RASGRP3: variants seen among roughly 807,000 people sequenced by gnomAD.
The protein encoded by RASGRP3 is RAS guanyl releasing protein 3.
Under a neutral mutation model 82.7 loss-of-function variants are expected in RASGRP3, and 54 were observed. That is an observed-to-expected ratio of 0.65 (90% CI 0.52 to 0.82). The LOEUF (loss-of-function observed/expected upper bound fraction) is 0.82. Ranked by LOEUF, RASGRP3 falls within the 40% of genes least tolerant of loss-of-function variation. The pLI, the probability that RASGRP3 is intolerant of heterozygous loss-of-function variation, is 0.00. For missense variants in RASGRP3, 861 were observed against 828.9 expected, an observed-to-expected ratio of 1.04 and a Z score of -0.48; for synonymous variants, 309 against 300.5, an observed-to-expected ratio of 1.03 and a Z score of -0.29.
intron 2 of RASGRP3, among the ~76,000 whole-genome samples, chr2:33,466,413 T>C (rs1203920723): frequency 6.6e-6 from 1 of 152,024 alleles, no homozygotes; most frequent in Non-Finnish European, 1.5e-5. Flanking sequence ...GCATGGTGGC[T>C]CAGGCCTGTA....
At chr2:33,551,454 T>C (rs749566181) in intron 14 of RASGRP3, among the ~76,000 whole-genome samples, 1 of 152,060 alleles carries the variant, frequency 6.6e-6, no homozygotes, top group African/African-American at 2.4e-5. Context: ...AAACAAAAGG[T>C]CAGGCTGCTG....
Position 33,543,580 on chromosome 2 carries a change from T to C in RASGRP3, c.1347T>C (p.Ala449=). 1 of 1,612,184 alleles carries C rather than the reference T, an allele frequency of 6.2e-7. No homozygotes were observed. The highest frequency in any genetic ancestry group is 1.1e-5 in the South Asian group (1 of 90,802). ...CCCAAGAGGACTTTGAAAGTATAGC[T>C]GCCAATTTTCCCTTCTTGGATTCCT... ...YISQEDFESI[A]ANFPFLDSFC... Residue 449 remains alanine, a synonymous_variant, in exon 13 of 18, where the codon GCT becomes GCC. Coordinates refer to ENST00000403687, the MANE Select transcript of RASGRP3 (RefSeq NM_001139488.2).
chr2:33,455,655 A>C (rs575412201), intron 2 of RASGRP3, among the ~76,000 whole-genome samples: 1 of 152,382 alleles, frequency 6.6e-6, no homozygotes, highest in African/African-American at 2.4e-5. Flanking sequence ...AATAAGACTG[A>C]AGGATTAACT....
intron 1 of RASGRP3, among the ~76,000 whole-genome samples, chr2:33,489,528 C>A (rs1374622764): frequency 1.3e-5 from 2 of 152,138 alleles, no homozygotes; most frequent in Non-Finnish European, 2.9e-5. Context: ...ATATTCAAAG[C>A]AATGAGGGAC....
intron 8 of RASGRP3, among the ~76,000 whole-genome samples, 180 bp from the exon 9 acceptor site, chr2:33,524,252 A>C (rs1191146764): frequency 6.6e-6 from 1 of 152,220 alleles, no homozygotes; most frequent in East Asian, 1.9e-4. Flanking sequence ...CATTTAATGT[A>C]GCTATTTCTC....
chr2:33,458,355 G>C (rs914199136), intron 2 of RASGRP3, among the ~76,000 whole-genome samples: 5 of 151,844 alleles, frequency 3.3e-5, no homozygotes, highest in Non-Finnish European at 7.4e-5. Context: ...TTTTTTTTCT[G>C]TGCAGCAGGG....
At chr2:33,536,156 G>T (rs535816827) in intron 11 of RASGRP3, among the ~76,000 whole-genome samples, 5 of 151,988 alleles carry the variant, frequency 3.3e-5, no homozygotes, top group Admixed American at 6.6e-5. Context: ...ACAAAAATTA[G>T]CCGGGCATGC....
intron 6 of RASGRP3, 50 bp from the exon 7 acceptor site, chr2:33,521,905 G>T: frequency 6.4e-7 from 1 of 1,562,458 alleles, no homozygotes; most frequent in East Asian, 2.3e-5. Context: ...AACTTCCATT[G>T]AGTGAAATGG....
At chr2:33,460,107 A>G (rs1032209595) in intron 2 of RASGRP3, among the ~76,000 whole-genome samples, 3 of 152,262 alleles carry the variant, frequency 2.0e-5, no homozygotes, top group Non-Finnish European at 4.4e-5. Context: ...GTTTAGTGCA[A>G]CACTGTTCAT....
rs138286312 is a variant in RASGRP3, at chr2:33,530,338, C to G, written c.1083+2926C>G. Among the ~76,000 whole-genome samples the G allele has an allele frequency of 2.3e-3, 350 of 152,284 alleles. 1 individual carries two copies. Among genetic ancestry groups the G allele is most frequent in the African/African-American group, 8.2e-3 (341 of 41,538 alleles). ...TTCATCAACAATTATGAAATGCCTA[C>G]TCCGTGTGGTAGGCTGTAGGGCAGT... is the stretch of plus-strand genomic sequence containing the variant. On this transcript the variant is annotated intron_variant, in intron 10 of 17. Transcript: ENST00000403687.
intron 1 of RASGRP3, among the ~76,000 whole-genome samples, chr2:33,501,846 A>G (rs931127626): frequency 1.3e-5 from 2 of 152,262 alleles, no homozygotes; most frequent in Non-Finnish European, 2.9e-5. Context: ...AGATGTTGCC[A>G]GGAAAACCAA....
chr2:33,450,307 T>A (rs1296679480), intron 2 of RASGRP3, among the ~76,000 whole-genome samples: 2 of 152,180 alleles, frequency 1.3e-5, no homozygotes, highest in African/African-American at 2.4e-5. Context: ...TTAACTGTAG[T>A]CATTATGCTG....
chr2:33,544,165 T>G (rs1674524873), intron 13 of RASGRP3, among the ~76,000 whole-genome samples: 1 of 152,000 alleles, frequency 6.6e-6, no homozygotes, highest in South Asian at 2.1e-4. Flanking sequence ...AATACAAAAA[T>G]TCACTGGGCA....
intron 1 of RASGRP3, among the ~76,000 whole-genome samples, chr2:33,445,159 C>A (rs1044269205): frequency 6.6e-6 from 1 of 152,180 alleles, no homozygotes; most frequent in African/African-American, 2.4e-5. Context: ...TGCCAGTCAG[C>A]TGGTGTGATA....
At chr2:33,532,198 G>T (rs992310497) in intron 10 of RASGRP3, 2 of 152,182 alleles carry the variant, frequency 1.3e-5, no homozygotes, top group African/African-American at 4.8e-5. Flanking sequence ...TTTTGTCGTT[G>T]TTAGTTCCCA....
intron 1 of RASGRP3, among the ~76,000 whole-genome samples, chr2:33,441,177 C>T (rs145601344): frequency 1.5e-4 from 23 of 152,318 alleles, no homozygotes; most frequent in African/African-American, 5.3e-4. Flanking sequence ...CAGGCGTGAG[C>T]CACGGCACCC....
In RASGRP3 at chr2:33,467,080, T is replaced by TATA. The variant is rs1558408908; in HGVS notation, c.-261+19138_-261+19139insTAA. ...AGTAACATACTAACTATATATATATTAATAAATTCTACTTGGTATTATATA... is the reference window on the plus strand; with the variant it reads ...AGTAACATACTAACTATATATATATTATAAATAAATTCTACTTGGTATTATATA... On this transcript the variant is annotated intron_variant, in intron 2 of 18. Coordinates refer to the RASGRP3 transcript ENST00000402538. 4.1e-3 allele frequency among the ~76,000 whole-genome samples: 608 copies of TATA among 148,402 alleles called. 1 individual carries two copies. The highest frequency in any genetic ancestry group is 0.015 in the African/African-American group (580 of 39,224).
intron 14 of RASGRP3, among the ~76,000 whole-genome samples, chr2:33,552,398 A>G (rs1675458873): frequency 6.6e-6 from 1 of 152,256 alleles, no homozygotes; most frequent in African/African-American, 2.4e-5. Flanking sequence ...GGCTCGGAGT[A>G]CACATTTTTT....
chr2:33,549,750 T>G lies in RASGRP3; in HGVS notation c.1541T>G (p.Phe514Cys). The G allele has an allele frequency of 6.2e-7, 1 of 1,611,608 alleles. No homozygotes were observed. The highest frequency in any genetic ancestry group is 8.5e-7 in the Non-Finnish European group (1 of 1,179,072). Reference protein sequence around the residue: ...KPTFCEHCAGFLWGIIKQGYK... With the variant: ...KPTFCEHCAGCLWGIIKQGYK... ...ACCTTCTGCGAACACTGTGCGGGAT[T>G]TGTAAGTCTGTTTTCCGTTGTTTTC... The change falls in exon 14 of 18, where the codon TTT becomes TGT. Residue 514 changes from phenylalanine (F) to cysteine (C), a missense_variant and splice_region_variant. Phe to Cys is a radical substitution (Grantham distance 205). Coordinates refer to ENST00000403687, the MANE Select transcript of RASGRP3 (RefSeq NM_001139488.2).
Sources: gnomAD v4.1 joint callset for allele counts (sites outside exome capture counted in the v4.1 genomes callset) on GRCh38, gnomAD v4.1.1 for gene constraint, MANE v1.5 for transcripts, NCBI Gene and HGNC (gene_info 2026-07-23, HGNC 2026-07-21) for gene names.